SLCO1A2: variants seen among roughly 807,000 people sequenced by gnomAD.
SLCO1A2 encodes OATP-1.
In SLCO1A2, 67 loss-of-function variants were observed where a neutral mutation model predicts 69.0. The observed-to-expected ratio is 0.97, with a 90% CI of 0.80 to 1.19. The LOEUF (loss-of-function observed/expected upper bound fraction) is 1.19, where lower values mean the gene tolerates loss of function less well. Ranked by LOEUF, SLCO1A2 falls within the 50% of genes most tolerant of loss-of-function variation. The probability of loss-of-function intolerance (pLI) is 0.00; values close to 1 mark genes in which losing one functional copy is unlikely to be tolerated. For missense variants in SLCO1A2, 787 were observed against 793.7 expected, an observed-to-expected ratio of 0.99 and a Z score of 0.10; for synonymous variants, 260 against 265.9, an observed-to-expected ratio of 0.98 and a Z score of 0.22.
chr12:21,406,203 C>T (rs1440252093), intron 1 of SLCO1A2, among the ~76,000 whole-genome samples: 1 of 152,130 alleles, frequency 6.6e-6, no homozygotes. Context: ...TGTGTGTATG[C>T]GTGCATGCAC....
rs186532272 is a variant in SLCO1A2, at chr12:21,306,475, G to A, written c.442+407C>T. Among the ~76,000 whole-genome samples the A allele has an allele frequency of 1.0e-3, 156 of 152,080 alleles. 1 individual carries two copies. The highest frequency in any genetic ancestry group is 4.6e-3 in the Admixed American group (71 of 15,276). On this transcript the variant is annotated intron_variant, in intron 5 of 14. Transcript: ENST00000683939. ...TGAGTAGCTGGGATTACAGGTGCCC[G>A]CTACCATGCTTGGCTAATTTTTGTA...
upstream of SLCO1A2, among the ~76,000 whole-genome samples, chr12:21,397,388 C>A (rs943313886): frequency 6.6e-6 from 1 of 152,102 alleles, no homozygotes; most frequent in Non-Finnish European, 1.5e-5. Flanking sequence ...CCTGAGTGAC[C>A]TACAAAGAGA....
chr12:21,295,902 T>C (rs569480595), intron 9 of SLCO1A2, 110 bp from the exon 10 acceptor site: 153 of 616,706 alleles, frequency 2.5e-4, no homozygotes, highest in Non-Finnish European at 2.3e-5. Context: ...GTCCAACTCA[T>C]AGTGAAGAAG....
rs1367320916 is a variant in SLCO1A2, at chr12:21,267,027, T to C, written c.*2521A>G. 1 of 152,064 alleles carries C rather than the reference T, an allele frequency of 6.6e-6. No homozygotes were observed. The highest frequency in any genetic ancestry group is 1.5e-5 in the Non-Finnish European group (1 of 68,028). The allele number at this position is 152,064 out of a possible 1,614,324, so 9.4% of individuals were successfully genotyped here. On this transcript the variant is annotated 3_prime_UTR_variant, in exon 15 of 15. Coordinates refer to ENST00000683939, the MANE Select transcript of SLCO1A2 (RefSeq NM_001386879.1). ...TTCTCCATGTCTGTCCGCTATGCCATTATCTCTACCCTCATGAGAGTAGTA... is the reference window on the plus strand; with the variant it reads ...TTCTCCATGTCTGTCCGCTATGCCACTATCTCTACCCTCATGAGAGTAGTA...
Position 21,297,399 on chromosome 12 carries a change from C to A in SLCO1A2, c.1075+5G>T, listed in dbSNP as rs766708028. 1.0e-5 allele frequency: 16 copies of A among 1,607,160 alleles called. 1 individual carries two copies. The Admixed American group carries it at 2.5e-4, about 25-fold the overall frequency. On this transcript the variant is annotated splice_donor_5th_base_variant and intron_variant, in intron 9 of 14. Coordinates refer to ENST00000683939, the MANE Select transcript of SLCO1A2 (RefSeq NM_001386879.1). The stretch of plus-strand genomic sequence containing the variant: ...TGCTAGTAAGGCAGAGAAAAACAAA[C>A]ATACCCATTAGAAAGATTGCATCTG...
chr12:21,295,299 G>A (rs1014391539), intron 10 of SLCO1A2: 1 of 244,616 alleles, frequency 4.1e-6, no homozygotes, highest in East Asian at 1.0e-4. Context: ...GAAACTGTAG[G>A]TAGTTTCTTT....
intron 1 of SLCO1A2, among the ~76,000 whole-genome samples, chr12:21,384,905 A>G (rs1244812341): frequency 1.3e-5 from 2 of 151,716 alleles, no homozygotes; most frequent in East Asian, 3.9e-4. Context: ...AGCTGGGACT[A>G]CAGGCTCCCG....
At chr12:21,274,724 A>C (rs1237646112) in intron 13 of SLCO1A2, 138 bp from the exon 14 acceptor site, 3 of 733,470 alleles carry the variant, frequency 4.1e-6, no homozygotes, top group Non-Finnish European at 6.4e-6. Flanking sequence ...TATTTTTAGA[A>C]ATGATGAGTT....
intron 1 of SLCO1A2, among the ~76,000 whole-genome samples, chr12:21,380,784 C>G (rs1446313305): frequency 6.6e-6 from 1 of 152,176 alleles, no homozygotes; most frequent in East Asian, 1.9e-4. Context: ...CCTTGAGTAA[C>G]CTGAGTGAGT....
At chr12:21,327,961 C>A (rs1292890914) in intron 2 of SLCO1A2, among the ~76,000 whole-genome samples, 1 of 152,022 alleles carries the variant, frequency 6.6e-6, no homozygotes, top group African/African-American at 2.4e-5. Context: ...TCCCATAATC[C>A]CCATGTGTCA....
At chr12:21,323,671 A>G (rs1190033952) in intron 2 of SLCO1A2, among the ~76,000 whole-genome samples, 1 of 152,240 alleles carries the variant, frequency 6.6e-6, no homozygotes, top group Non-Finnish European at 1.5e-5. Context: ...GCTTTGTCAC[A>G]AGGTATCTTT....
At chr12:21,305,974 A>G (rs1314616354) in intron 5 of SLCO1A2, among the ~76,000 whole-genome samples, 2 of 152,242 alleles carry the variant, frequency 1.3e-5, no homozygotes, top group African/African-American at 4.8e-5. Flanking sequence ...CAGAAGGGAC[A>G]GAAGGGGCAG....
intron 14 of SLCO1A2, among the ~76,000 whole-genome samples, chr12:21,270,014 G>C (rs1211915142): frequency 7.2e-6 from 1 of 139,052 alleles, no homozygotes; most frequent in Non-Finnish European, 1.5e-5. Flanking sequence ...TTTTATTATT[G>C]TTGTTATAAC....
intron 1 of SLCO1A2, among the ~76,000 whole-genome samples, chr12:21,406,891 G>T (rs1375690265): frequency 6.6e-6 from 1 of 152,106 alleles, no homozygotes; most frequent in Non-Finnish European, 1.5e-5. Context: ...AATGTTCAAA[G>T]CAGTGAAGAA....
chr12:21,342,631 G>T (rs534982975), intron 2 of SLCO1A2, among the ~76,000 whole-genome samples: 1 of 151,802 alleles, frequency 6.6e-6, no homozygotes, highest in East Asian at 1.9e-4. Flanking sequence ...TAAATAGCAC[G>T]ATATATAAGA....
intron 2 of SLCO1A2, among the ~76,000 whole-genome samples, chr12:21,364,089 A>G (rs780147375): frequency 1.3e-5 from 2 of 152,182 alleles, no homozygotes; most frequent in Non-Finnish European, 1.5e-5. Flanking sequence ...GCAGAAACAC[A>G]ACAAAAAAAG....
chr12:21,345,583 G>T (rs1391122258), intron 2 of SLCO1A2, among the ~76,000 whole-genome samples: 14 of 152,040 alleles, frequency 9.2e-5, no homozygotes, highest in Non-Finnish European at 4.4e-5. Flanking sequence ...TTTTAAATTG[G>T]TTTTTATTAC....
chr12:21,375,543 A>G (rs1463525907), intron 1 of SLCO1A2, among the ~76,000 whole-genome samples: 3 of 152,210 alleles, frequency 2.0e-5, no homozygotes, highest in South Asian at 2.1e-4. Context: ...AGGATCACAT[A>G]CTTTCCCACC....
intron 1 of SLCO1A2, among the ~76,000 whole-genome samples, chr12:21,412,933 C>G (rs1050622004): frequency 6.6e-6 from 1 of 152,134 alleles, no homozygotes; most frequent in Non-Finnish European, 1.5e-5. Context: ...AGTCCAAAGC[C>G]AGAAGTCCTC....
Sources: allele counts gnomAD v4.1 joint callset (sites outside exome capture counted in the v4.1 genomes callset), GRCh38; gene constraint gnomAD v4.1.1; transcripts MANE v1.5; gene names NCBI Gene and HGNC (gene_info 2026-07-23, HGNC 2026-07-21).